Variants in UBR4 observed in about 807,000 individuals in gnomAD.
The protein encoded by UBR4 is ubiquitin protein ligase E3 component n-recognin 4.
A neutral mutation model predicts 575.6 loss-of-function variants in UBR4; 124 were observed. That is an observed-to-expected ratio of 0.22 (90% CI 0.19 to 0.25). UBR4 has a LOEUF of 0.25. Among genes scored for constraint, UBR4 ranks in the 10% least tolerant of loss-of-function variants. The pLI, the probability that UBR4 is intolerant of heterozygous loss-of-function variation, is 1.00. For synonymous variants in UBR4, 2,455 were observed against 2,473.7 expected, an observed-to-expected ratio of 0.99 and a Z score of 0.22; for missense variants, 4,818 against 6,478.8, an observed-to-expected ratio of 0.74 and a Z score of 8.80.
chr1:19,173,723 A>G (rs1020566176), intron 22 of UBR4, 102 bp from the exon 23 acceptor site: 25 of 1,119,684 alleles, frequency 2.2e-5, no homozygotes. Context: ...CCAGAACTGT[A>G]TAGAGTCCTG....
Position 19,089,642 on chromosome 1 carries a change from A to G in UBR4, c.14212-665T>C, listed in dbSNP as rs1397543752. Among the ~76,000 whole-genome samples the G allele has an allele frequency of 6.6e-6, 1 of 152,258 alleles. No individual in the cohort carries two copies. Among genetic ancestry groups the G allele is most frequent in the African/African-American group, 2.4e-5 (1 of 41,472 alleles). ...AAGGCTAAAGACAGGTGTAGTTGGA[A>G]AAAGCACTCCAGGTGAGCTCACTGA... On this transcript the variant is annotated intron_variant, in intron 97 of 105. Transcript: ENST00000375254. This position sits in a 1 kb window ranked among gnomAD's most constrained non-coding sequence, Gnocchi z 4.3.
chr1:19,173,124 T>G (rs2089811217), intron 24 of UBR4, 31 bp from the exon 25 acceptor site: 1 of 1,613,672 alleles, frequency 6.2e-7, no homozygotes, highest in East Asian at 2.2e-5. Context: ...TAATTAGCTG[T>G]GGCAATGGGC....
At chr1:19,200,727 A>T (rs2092706590) in intron 2 of UBR4, among the ~76,000 whole-genome samples, 1 of 152,252 alleles carries the variant, frequency 6.6e-6, no homozygotes, top group South Asian at 2.1e-4. Flanking sequence ...TTCTGCCAGT[A>T]GCCAGAGCTT....
intron 1 of UBR4, among the ~76,000 whole-genome samples, chr1:19,205,296 G>T (rs1010495158): frequency 1.3e-5 from 2 of 152,168 alleles, no homozygotes; most frequent in African/African-American, 4.8e-5. Context: ...TAGCTTTTTA[G>T]GAAGAAATGG....
chr1:19,124,132 G>A (rs1003156682), intron 65 of UBR4, among the ~76,000 whole-genome samples: 6 of 152,190 alleles, frequency 3.9e-5, no homozygotes, highest in Non-Finnish European at 8.8e-5. Flanking sequence ...CCCACTTCCT[G>A]ATAACTGCTT....
Position 19,105,815 on chromosome 1 carries a change from C to A in UBR4, c.12421G>T (p.Ala4141Ser). 1 of 1,606,250 alleles carries A rather than the reference C, an allele frequency of 6.2e-7. No homozygotes were observed. Among genetic ancestry groups the A allele is most frequent in the Non-Finnish European group, 8.5e-7 (1 of 1,177,576 alleles). Residue 4141 changes from alanine (A) to serine (S), a missense_variant, in exon 84 of 106, where the codon GCA (alanine) becomes TCA (serine). Transcript: ENST00000375254. ...ACAATGGTACAGGCTGCCTGCCGTGCGGCCTGCGTTGCTGGAGTGAAAAGC... is the reference window on the plus strand; with the variant it reads ...ACAATGGTACAGGCTGCCTGCCGTGAGGCCTGCGTTGCTGGAGTGAAAAGC... ...QVLFTPATQA[A>S]RQAACTIVEA...
chr1:19,207,472 T>C (rs905456260), intron 1 of UBR4, among the ~76,000 whole-genome samples: 1 of 152,086 alleles, frequency 6.6e-6, no homozygotes, highest in African/African-American at 2.4e-5. Context: ...CTACTACAAA[T>C]ACAAAAATTA....
intron 17 of UBR4, among the ~76,000 whole-genome samples, chr1:19,181,667 A>T (rs1012927368): frequency 2.0e-5 from 3 of 152,204 alleles, no homozygotes; most frequent in Non-Finnish European, 2.9e-5. Context: ...ATGAATATGT[A>T]TTGAACAAAT....
At chr1:19,161,173 C>A in intron 37 of UBR4, 26 bp from the exon 38 acceptor site, 1 of 1,606,140 alleles carries the variant, frequency 6.2e-7, no homozygotes, top group Non-Finnish European at 8.5e-7. Context: ...GTCAGAGTCC[C>A]TAAGTTCTTG....
Position 19,157,881 on chromosome 1 carries a change from A to G in UBR4, c.5694T>C (p.Ala1898=). Residue 1898 remains alanine, a synonymous_variant, in exon 40 of 106, where the codon GCT becomes GCC. Transcript: ENST00000375254. The surrounding 1 kb of genome is among the most constrained non-coding windows in gnomAD (Gnocchi z 4.4). ...CATGGGGAGAGGAGAGCACACACAT[A>G]GCCACCCGCCTGAGCACATGAGCAC... ...LISAHVLRRV[A]MCVLSSPHGR... is the part of the protein sequence containing the mutation. The G allele has an allele frequency of 1.2e-6, 2 of 1,614,200 alleles. No homozygotes were observed. The highest frequency in any genetic ancestry group is 2.2e-5 in the East Asian group (1 of 44,880).
rs2079738272 is a variant in UBR4, at chr1:19,110,587, T to C, written c.11893-123A>G. Reference sequence around the variant, plus strand: ...AGAGACAAAGGACAGACGGAGACCCTTGTGCTCCAGGCTCTTCCCTGGGAA... The same window carrying C: ...AGAGACAAAGGACAGACGGAGACCCCTGTGCTCCAGGCTCTTCCCTGGGAA... On this transcript the variant is annotated intron_variant, in intron 79 of 105. Coordinates refer to ENST00000375254, the MANE Select transcript of UBR4 (RefSeq NM_020765.3). This position sits in a 1 kb window ranked among gnomAD's most constrained non-coding sequence, Gnocchi z 4.5. 24 of 1,337,512 alleles carry C rather than the reference T, an allele frequency of 1.8e-5. No homozygotes were observed. Among genetic ancestry groups the C allele is most frequent in the Non-Finnish European group, 2.4e-5 (23 of 941,722 alleles). 82.9% of individuals were successfully genotyped at this position (1,337,512 alleles called of 1,614,324 possible).
Position 19,177,663 on chromosome 1 carries a change from T to C in UBR4, c.2435A>G (p.Gln812Arg). The C allele has an allele frequency of 6.2e-7, 1 of 1,614,064 alleles. No homozygotes were observed. Among genetic ancestry groups the C allele is most frequent in the Non-Finnish European group, 8.5e-7 (1 of 1,179,988 alleles). ...ETEDLNVEHL[Q>R]MLLLIFHNFT... The stretch of plus-strand genomic sequence containing the variant: ...ATTGTGGAAAATGAGGAGGAGCATC[T>C]GCAGGTGTTCTACATTCAGATCCTC... The change falls in exon 19 of 106, where the codon CAG becomes CGG. Residue 812 changes from glutamine to arginine, a missense_variant. Coordinates refer to ENST00000375254, the MANE Select transcript of UBR4 (RefSeq NM_020765.3).
chr1:19,081,836 T>C (rs16862515), intron 102 of UBR4: 6,767 of 665,338 alleles, frequency 0.01, 168 homozygotes, highest in East Asian at 0.07. Flanking sequence ...TCTAATACAA[T>C]TCCAAGCAAC....
intron 64 of UBR4, among the ~76,000 whole-genome samples, chr1:19,125,181 G>A (rs1339160063): frequency 3.3e-5 from 5 of 152,204 alleles, no homozygotes; most frequent in Non-Finnish European, 5.9e-5. Flanking sequence ...AAAAGGCAGA[G>A]GTAAATGAGA....
At position 19,106,589 on chromosome 1, in the gene UBR4, G is replaced by T; in HGVS notation, c.12373C>A (p.His4125Asn). The change falls in exon 83 of 106, where the codon CAT (histidine) becomes AAT (asparagine). Residue 4125 changes from histidine to asparagine, a missense_variant. By Grantham distance (68) the His-to-Asn change is moderately conservative. Coordinates refer to ENST00000375254, the MANE Select transcript of UBR4 (RefSeq NM_020765.3). ...CTCACTTGTCGCAGCCAGTTGTTATGCCCCAGTTTGAGATCCAAGGGGGAG... is the reference window on the plus strand; with the variant it reads ...CTCACTTGTCGCAGCCAGTTGTTATTCCCCAGTTTGAGATCCAAGGGGGAG... ...RTSPLDLKLGHNNWLRQVLFT... is the reference protein window; with the variant it reads ...RTSPLDLKLGNNNWLRQVLFT... 6.3e-7 allele frequency: 1 copy of T among 1,578,260 alleles called. No individual in the cohort carries two copies. The highest frequency in any genetic ancestry group is 8.6e-7 in the Non-Finnish European group (1 of 1,163,820).
chr1:19,129,366 T>C (rs1300354538), intron 60 of UBR4, among the ~76,000 whole-genome samples: 1 of 152,186 alleles, frequency 6.6e-6, no homozygotes, highest in African/African-American at 2.4e-5. Flanking sequence ...TTCCCAAGCC[T>C]CCAGGCCCTA....
At position 19,112,825 on chromosome 1, in the gene UBR4, G is replaced by T. The variant is rs770252970; in HGVS notation, c.11500C>A (p.Gln3834Lys). 3.1e-6 allele frequency: 5 copies of T among 1,613,036 alleles called. No individual in the cohort carries two copies. Among genetic ancestry groups the T allele is most frequent in the Non-Finnish European group, 4.2e-6 (5 of 1,179,486 alleles). Residue 3834 changes from glutamine to lysine, a missense_variant, in exon 78 of 106, where the codon CAG becomes AAG. Around this residue, in one of 29 missense-constraint regions of UBR4, gnomAD observed 333 missense variants for 459.2 expected, o/e 0.73. Coordinates refer to ENST00000375254, the MANE Select transcript of UBR4 (RefSeq NM_020765.3). ...GATTTAGTGGCTGCTTCCCTCTGCT[G>T]TAGGTCATATTCCAACAACTCTTTG... is the stretch of plus-strand genomic sequence containing the variant. ...SRKELLEYDL[Q>K]QREAATKSSR...
intron 92 of UBR4, chr1:19,095,982 A>C (rs913070208): frequency 7.6e-6 from 2 of 263,736 alleles, no homozygotes; most frequent in East Asian, 9.6e-5. Flanking sequence ...ATAGTAAAGA[A>C]AATGATCCCA....
In UBR4 at chr1:19,084,525, G is replaced by T. The variant is rs1380852393; in HGVS notation, c.14987C>A (p.Thr4996Asn). Residue 4996 changes from threonine to asparagine, a missense_variant, in exon 102 of 106, where the codon ACT (threonine) becomes AAT (asparagine). By Grantham distance (65) the Thr-to-Asn change is moderately conservative. This residue lies in a region of UBR4 where 196 missense variants were observed against 386.8 expected (regional missense o/e 0.51). Coordinates refer to ENST00000375254, the MANE Select transcript of UBR4 (RefSeq NM_020765.3). ...NIHLIPYIIHTVLYVLNTTRA... is the reference protein window; with the variant it reads ...NIHLIPYIIHNVLYVLNTTRA... Reference sequence around the variant, plus strand: ...TGACGTGTTCAGGACGTAAAGCACAGTGTGAATGATGTACGGGATCAGGTG... The same window carrying T: ...TGACGTGTTCAGGACGTAAAGCACATTGTGAATGATGTACGGGATCAGGTG... 6.2e-7 allele frequency: 1 copy of T among 1,613,626 alleles called. No homozygotes were observed.
Sources: allele counts gnomAD v4.1 joint callset (sites outside exome capture counted in the v4.1 genomes callset), GRCh38; gene constraint gnomAD v4.1.1; regional missense constraint gnomAD v4.1.1; non-coding constraint Gnocchi (gnomAD v3.1); transcripts MANE v1.5; gene names NCBI Gene and HGNC (gene_info 2026-07-23, HGNC 2026-07-21).